The following PABPC4L variants were observed in gnomAD, a reference collection of about 807,000 sequenced individuals.
PABPC4L encodes poly(A) binding protein cytoplasmic 4 like.
For missense variants in PABPC4L, 452 were observed against 451.4 expected, an observed-to-expected ratio of 1.00 and a Z score of -0.01; for synonymous variants, 169 against 164.1, an observed-to-expected ratio of 1.03 and a Z score of -0.23.
the PABPC4L span, among the ~76,000 whole-genome samples, chr4:134,030,849 A>G: frequency 6.6e-6 from 1 of 152,070 alleles, no homozygotes; most frequent in Non-Finnish European, 1.5e-5. Flanking sequence ...CTGAATAGTT[A>G]TGAATCCAAA....
At chr4:134,004,932 T>C in the PABPC4L span, among the ~76,000 whole-genome samples, 2 of 151,716 alleles carry the variant, frequency 1.3e-5, no homozygotes, top group Non-Finnish European at 3.0e-5. Context: ...AGAAAGTACA[T>C]TGGTGGTTGT....
At chr4:134,078,207 G>T in the PABPC4L span, among the ~76,000 whole-genome samples, 1 of 152,080 alleles carries the variant, frequency 6.6e-6, no homozygotes, top group African/African-American at 2.4e-5. Context: ...ATTAGAATTA[G>T]TTCACCCATG....
At chr4:134,110,711 C>T in the PABPC4L span, among the ~76,000 whole-genome samples, 1 of 151,600 alleles carries the variant, frequency 6.6e-6, no homozygotes, top group Non-Finnish European at 1.5e-5. Context: ...TGAATATAAC[C>T]TATGCTCAAC....
the PABPC4L span, among the ~76,000 whole-genome samples, chr4:133,961,542 A>C: frequency 6.6e-6 from 1 of 152,176 alleles, no homozygotes; most frequent in Non-Finnish European, 1.5e-5. Context: ...CTGAGAGCAC[A>C]GGGGGAGGGA....
the PABPC4L span, among the ~76,000 whole-genome samples, chr4:134,032,786 AT>A: frequency 6.6e-6 from 1 of 151,922 alleles, no homozygotes; most frequent in Non-Finnish European, 1.5e-5. Flanking sequence ...ATCTTTAATT[AT>A]TCTAGAAAAA....
chr4:134,056,245 A>G, the PABPC4L span, among the ~76,000 whole-genome samples: 1 of 152,034 alleles, frequency 6.6e-6, no homozygotes, highest in Non-Finnish European at 1.5e-5. Context: ...AGTACTCTAT[A>G]TCATGATCTT....
chr4:134,199,888 A>C lies in PABPC4L; in HGVS notation c.*19T>G. The C allele has an allele frequency of 6.5e-7, 1 of 1,549,038 alleles. No homozygotes were observed. Among genetic ancestry groups the C allele is most frequent in the Non-Finnish European group, 8.7e-7 (1 of 1,146,334 alleles). On this transcript the variant is annotated 3_prime_UTR_variant, in exon 2 of 2. Coordinates refer to ENST00000421491, the MANE Select transcript of PABPC4L (RefSeq NM_001114734.2). ...CCCACCTGCTGCAGATACTAGCTGG[A>C]AAGGTACGTTTTTCTTTCCTAGTGT...
the PABPC4L span, among the ~76,000 whole-genome samples, chr4:134,126,586 C>G: frequency 1.6e-5 from 2 of 124,312 alleles, no homozygotes; most frequent in African/African-American, 7.3e-5. Flanking sequence ...TCACATTTCC[C>G]TTTAGTCTTT....
At chr4:133,972,938 G>T in the PABPC4L span, among the ~76,000 whole-genome samples, 1 of 152,102 alleles carries the variant, frequency 6.6e-6, no homozygotes, top group African/African-American at 2.4e-5. Context: ...CTCAAACACA[G>T]AAGCGAGATG....
At chr4:134,059,761 A>G in the PABPC4L span, among the ~76,000 whole-genome samples, 4 of 152,146 alleles carry the variant, frequency 2.6e-5, no homozygotes, top group East Asian at 7.7e-4. Context: ...TAAAAGCTTC[A>G]AAAAAAGAAA....
chr4:134,035,709 C>G, the PABPC4L span, among the ~76,000 whole-genome samples: 1 of 151,774 alleles, frequency 6.6e-6, no homozygotes, highest in Non-Finnish European at 1.5e-5. Context: ...AGTCATCAGT[C>G]CTCAATTATT....
chr4:134,194,091 A>C (rs1173439107), downstream of PABPC4L, among the ~76,000 whole-genome samples: 1 of 151,890 alleles, frequency 6.6e-6, no homozygotes, highest in Non-Finnish European at 1.5e-5. Flanking sequence ...CTGATAAATA[A>C]GGATTAATTA....
chr4:134,118,556 T>C, the PABPC4L span, among the ~76,000 whole-genome samples: 1 of 151,844 alleles, frequency 6.6e-6, no homozygotes, highest in Admixed American at 6.6e-5. Flanking sequence ...GATTGACAAA[T>C]ATTTAAAGAT....
At chr4:133,983,118 G>C in the PABPC4L span, among the ~76,000 whole-genome samples, 3 of 151,874 alleles carry the variant, frequency 2.0e-5, no homozygotes, top group Non-Finnish European at 2.9e-5. Context: ...AAGCTCCACT[G>C]TACTCAAAGA....
At chr4:134,149,186 T>G in the PABPC4L span, among the ~76,000 whole-genome samples, 1 of 152,120 alleles carries the variant, frequency 6.6e-6, no homozygotes, top group East Asian at 1.9e-4. Flanking sequence ...GTTAAGGCAC[T>G]GCAGAAAGAG....
chr4:134,147,995 G>A, the PABPC4L span, among the ~76,000 whole-genome samples: 1 of 152,012 alleles, frequency 6.6e-6, no homozygotes, highest in Non-Finnish European at 1.5e-5. Context: ...AGAGGCACAG[G>A]AGCTGGTATA....
chr4:133,962,568 C>G, the PABPC4L span, among the ~76,000 whole-genome samples: 1 of 152,088 alleles, frequency 6.6e-6, no homozygotes, highest in Admixed American at 6.5e-5. Flanking sequence ...TGAATTAACC[C>G]AATCCAGAAG....
chr4:134,032,660 T>C, the PABPC4L span, among the ~76,000 whole-genome samples: 1 of 151,864 alleles, frequency 6.6e-6, no homozygotes, highest in Admixed American at 6.6e-5. Context: ...CCTGGTATGC[T>C]TGATATATAG....
the PABPC4L span, among the ~76,000 whole-genome samples, chr4:134,054,068 A>G: frequency 6.6e-6 from 1 of 151,604 alleles, no homozygotes; most frequent in Admixed American, 6.6e-5. Context: ...AGTGAGTATA[A>G]ATTAATGAGA....
Sources: allele counts gnomAD v4.1 joint callset (sites outside exome capture counted in the v4.1 genomes callset), GRCh38; gene constraint gnomAD v4.1.1; transcripts MANE v1.5; gene names NCBI Gene and HGNC (gene_info 2026-07-23, HGNC 2026-07-21).